Variants in DMD observed in about 807,000 individuals in gnomAD.
DMD encodes the protein dystrophin, also known as mutant dystrophin.
A neutral mutation model predicts 330.1 loss-of-function variants in DMD; 63 were observed. The ratio of observed to expected loss-of-function variants is 0.19; its 90% CI spans 0.16 to 0.24. The LOEUF (loss-of-function observed/expected upper bound fraction) is 0.24. DMD is among the 10% of genes least tolerant of loss of function. The pLI is 1.00. For missense variants in DMD, 3,344 were observed against 2,684.1 expected (o/e 1.25, Z -5.43); for synonymous variants, 1,223 against 959.8 (o/e 1.27, Z -5.07).
At chrX:31,906,107 G>A (rs2094475512) in intron 47 of DMD, among the ~76,000 whole-genome samples, 1 of 111,120 alleles carries the variant, frequency 9.0e-6, no homozygotes, top group Admixed American at 9.6e-5. Flanking sequence ...CTGTTCTTGT[G>A]ACAGTGAGTT....
At chrX:32,044,673 T>C (rs5927930) in intron 44 of DMD, among the ~76,000 whole-genome samples, 43,400 of 110,109 alleles carry the variant, frequency 0.39, 6,386 homozygotes, top group East Asian at 0.48. Context: ...CCGCCCGCCT[T>C]GGCCTCCCAA....
chrX:32,187,538 A>T (rs2096953109), intron 44 of DMD, among the ~76,000 whole-genome samples: 1 of 111,790 alleles, frequency 8.9e-6, no homozygotes. Context: ...TGTCAAAATT[A>T]TTCCAGAACA....
At chrX:31,994,149 A>AT (rs1201416845) in intron 44 of DMD, among the ~76,000 whole-genome samples, 1 of 111,681 alleles carries the variant, frequency 9.0e-6, no homozygotes, top group African/African-American at 3.3e-5. Context: ...GAAACCTGGC[A>AT]CCTTTAAATC....
At chrX:31,378,640 G>C (rs2060004945) in intron 60 of DMD, among the ~76,000 whole-genome samples, 1 of 109,185 alleles carries the variant, frequency 9.2e-6, no homozygotes, top group Non-Finnish European at 1.9e-5. Context: ...TTTTCTCGGG[G>C]GCAAGAACCC....
chrX:32,123,794 C>T (rs1024269812), intron 44 of DMD, among the ~76,000 whole-genome samples: 3 of 111,707 alleles, frequency 2.7e-5, no homozygotes, highest in African/African-American at 9.8e-5. Context: ...ACATTTGTTG[C>T]GTTAAAAGTA....
intron 60 of DMD, among the ~76,000 whole-genome samples, chrX:31,442,562 T>C (rs1367027931): frequency 9.0e-6 from 1 of 110,650 alleles, no homozygotes. Flanking sequence ...AAAAAAACTT[T>C]TCTTACTAGT....
intron 22 of DMD, among the ~76,000 whole-genome samples, chrX:32,470,451 A>G (rs759065588): frequency 1.9e-5 from 2 of 107,020 alleles, no homozygotes; most frequent in African/African-American, 3.7e-5. Flanking sequence ...GGAAATGTTC[A>G]TATCTTTTTT....
intron 55 of DMD, among the ~76,000 whole-genome samples, chrX:31,602,224 T>C (rs1402748437): frequency 9.0e-6 from 1 of 111,082 alleles, no homozygotes; most frequent in Non-Finnish European, 1.9e-5. Context: ...ATCATCTCTA[T>C]CTTTTCTAGA....
intron 12 of DMD, among the ~76,000 whole-genome samples, chrX:32,608,572 T>A (rs1222747697): frequency 9.0e-6 from 1 of 110,584 alleles, no homozygotes; most frequent in Non-Finnish European, 1.9e-5. Context: ...TTCTACAGCT[T>A]TATGAATTTT....
chrX:32,641,258 C>G (rs1047834595), intron 11 of DMD, among the ~76,000 whole-genome samples: 22 of 109,619 alleles, frequency 2.0e-4, no homozygotes, highest in African/African-American at 6.6e-4. Flanking sequence ...TCTTTTTTTT[C>G]TTGGCTGCCA....
intron 7 of DMD, among the ~76,000 whole-genome samples, chrX:32,737,420 C>T (rs1215239880): frequency 9.0e-6 from 1 of 110,659 alleles, no homozygotes; most frequent in Non-Finnish European, 1.9e-5. Flanking sequence ...GTTTTTACTA[C>T]AATGCTGGTA....
At chrX:31,452,208 A>G (rs1194242182) in intron 59 of DMD, among the ~76,000 whole-genome samples, 1 of 104,836 alleles carries the variant, frequency 9.5e-6, no homozygotes, top group East Asian at 3.0e-4. Context: ...CTCAGACTCA[A>G]CACGCTTCCA....
At position 32,711,140 on chromosome X, in the gene DMD, T is replaced by C. The variant is rs1170193061; in HGVS notation, c.650-11847A>G. 3.6e-5 allele frequency among the ~76,000 whole-genome samples: 4 copies of C among 111,749 alleles called. No homozygotes were observed. In the East Asian group the frequency reaches 1.1e-3, roughly 31 times the overall value. On this transcript the variant is annotated intron_variant, in intron 7 of 78. Transcript: ENST00000357033. ...GAATGTTCCTTTTGTCCATTTGCAA[T>C]TTTAAAATTTCTTCTTTCCTTTTCT...
chrX:31,212,158 ATATATATATGTGTGTGTG>A (rs1433204084), intron 64 of DMD, among the ~76,000 whole-genome samples: 3 of 78,129 alleles, frequency 3.8e-5, no homozygotes, highest in East Asian at 3.7e-4. Flanking sequence ...ATATATATAT[ATATATATATGTGTGTGTG>A]TATGTGTGTG....
chrX:33,139,880 A>AT (rs1569556265), intron 1 of DMD, among the ~76,000 whole-genome samples: 2 of 108,011 alleles, frequency 1.9e-5, no homozygotes, highest in Admixed American at 1.0e-4. Context: ...AAAAAAAAAA[A>AT]AAAAAAAAAA....
At chrX:32,279,896 T>C (rs1339423596) in intron 43 of DMD, among the ~76,000 whole-genome samples, 3 of 103,851 alleles carry the variant, frequency 2.9e-5, no homozygotes, top group African/African-American at 1.0e-4. Context: ...TGCATGCCTA[T>C]ATCAAAACAT....
At chrX:32,993,690 CTTTTG>C (rs2093039693) in intron 2 of DMD, among the ~76,000 whole-genome samples, 1 of 110,137 alleles carries the variant, frequency 9.1e-6, no homozygotes, top group African/African-American at 3.3e-5. Context: ...TTTTATAAAA[CTTTTG>C]TTTTATTTCT....
At chrX:32,882,611 T>A (rs1409160090) in intron 2 of DMD, among the ~76,000 whole-genome samples, 1 of 112,304 alleles carries the variant, frequency 8.9e-6, no homozygotes, top group Non-Finnish European at 1.9e-5. Context: ...AGTACAAGGA[T>A]ATTTGATCTT....
intron 43 of DMD, among the ~76,000 whole-genome samples, chrX:32,262,248 C>T (rs1603629515): frequency 9.0e-6 from 1 of 111,622 alleles, no homozygotes; most frequent in African/African-American, 3.3e-5. Context: ...AGAAGGCAGA[C>T]CAGAAATAAG....
Sources: gnomAD v4.1 joint callset for allele counts (sites outside exome capture counted in the v4.1 genomes callset) on GRCh38, gnomAD v4.1.1 for gene constraint, MANE v1.5 for transcripts, NCBI Gene and HGNC (gene_info 2026-07-23, HGNC 2026-07-21) for gene names.